ATL1: variants seen among roughly 807,000 people sequenced by gnomAD.
The protein encoded by ATL1 is atlastin-1.
Under a neutral mutation model 75.5 loss-of-function variants are expected in ATL1, and 31 were observed. The ratio of observed to expected loss-of-function variants is 0.41; its 90% confidence interval spans 0.31 to 0.55. ATL1 has a LOEUF of 0.55. Ranked by LOEUF, ATL1 falls within the 20% of genes least tolerant of loss-of-function variation. ATL1 has a pLI of 0.27. For missense variants in ATL1, 405 were observed against 662.6 expected (o/e 0.61, Z 4.27); for synonymous variants, 226 against 233.3 (o/e 0.97, Z 0.28).
chr14:50,568,252 C>T (rs950304351), intron 1 of ATL1, among the ~76,000 whole-genome samples: 1 of 151,988 alleles, frequency 6.6e-6, no homozygotes, highest in African/African-American at 2.4e-5. Context: ...ATGTCCTAGC[C>T]AGGTATGGTG....
At chr14:50,591,233 C>T (rs2039154985) in intron 3 of ATL1, among the ~76,000 whole-genome samples, 158 bp downstream of exon 3, 1 of 152,132 alleles carries the variant, frequency 6.6e-6, no homozygotes. Flanking sequence ...GTTTCCCTTT[C>T]TTGTGATCAG....
upstream of ATL1, among the ~76,000 whole-genome samples, chr14:50,556,006 G>T (rs2038760831): frequency 6.6e-6 from 1 of 152,150 alleles, no homozygotes; most frequent in Non-Finnish European, 1.5e-5. Context: ...AATAATTGAG[G>T]ATACAGGGGG....
At chr14:50,545,453 G>A (rs937003476) in intron 1 of ATL1, among the ~76,000 whole-genome samples, 25 of 152,180 alleles carry the variant, frequency 1.6e-4, no homozygotes, top group African/African-American at 6.0e-4. Flanking sequence ...GTGGTCGACG[G>A]CATCCATGTG....
chr14:50,620,251 T>G (rs1401744496), intron 8 of ATL1, among the ~76,000 whole-genome samples: 1 of 152,096 alleles, frequency 6.6e-6, no homozygotes. Flanking sequence ...GAGCAAGACT[T>G]CATTTCAAAA....
intron 9 of ATL1, among the ~76,000 whole-genome samples, chr14:50,621,632 T>C (rs1194052230): frequency 1.3e-5 from 2 of 152,094 alleles, no homozygotes; most frequent in East Asian, 3.9e-4. Context: ...AAGGGCCAGA[T>C]TGGCAGACAG....
At chr14:50,577,656 C>T (rs2039018239) in intron 1 of ATL1, among the ~76,000 whole-genome samples, 1 of 152,170 alleles carries the variant, frequency 6.6e-6, no homozygotes, top group Non-Finnish European at 1.5e-5. Flanking sequence ...AGCCATCACC[C>T]TCCATACCCT....
chr14:50,626,106 G>A (rs2039518320), intron 11 of ATL1, among the ~76,000 whole-genome samples: 1 of 152,154 alleles, frequency 6.6e-6, no homozygotes. Context: ...GAGCGCTGAT[G>A]GAGATGTATT....
chr14:50,588,254 A>G (rs1051629350), intron 2 of ATL1, among the ~76,000 whole-genome samples, 176 bp downstream of exon 2: 14 of 152,326 alleles, frequency 9.2e-5, no homozygotes, highest in Middle Eastern at 3.4e-3. Flanking sequence ...ACCAAACTAC[A>G]CAGACCAATT....
At chr14:50,580,358 T>C (rs1316052046) in intron 1 of ATL1, among the ~76,000 whole-genome samples, 1 of 152,198 alleles carries the variant, frequency 6.6e-6, no homozygotes, top group African/African-American at 2.4e-5. Flanking sequence ...TTTATTAGAT[T>C]AAGGAATTTT....
Position 50,609,891 on chromosome 14 carries a change from T to A in ATL1, c.631-3368T>A, listed in dbSNP as rs147090662. 1.4e-4 allele frequency among the ~76,000 whole-genome samples: 21 copies of A among 152,054 alleles called. No homozygotes were observed. In the East Asian group the frequency reaches 3.1e-3, roughly 22 times the overall value. ...AAGTTATGTTAGTTATTTTTCTGGA[T>A]TTTTTTTGTTCGTGATACTAGCCAG... On this transcript the variant is annotated intron_variant, in intron 6 of 13. Coordinates refer to ENST00000358385, the MANE Select transcript of ATL1 (RefSeq NM_015915.5).
chr14:50,566,899 C>T (rs1295753768), intron 1 of ATL1, among the ~76,000 whole-genome samples: 1 of 151,852 alleles, frequency 6.6e-6, no homozygotes, highest in African/African-American at 2.4e-5. Flanking sequence ...ATAAAATCGT[C>T]TTCTATATTA....
At chr14:50,629,216 A>T (rs918144837) in intron 12 of ATL1, among the ~76,000 whole-genome samples, 2 of 152,216 alleles carry the variant, frequency 1.3e-5, no homozygotes, top group African/African-American at 4.8e-5. Flanking sequence ...TTCCAAAAGC[A>T]GTATCAGATT....
intron 1 of ATL1, among the ~76,000 whole-genome samples, chr14:50,569,947 G>A (rs1414341317): frequency 1.3e-5 from 2 of 152,216 alleles, no homozygotes; most frequent in East Asian, 3.9e-4. Context: ...TATGTGATAT[G>A]TCACTTCTCT....
At chr14:50,560,337 G>A (rs1480226822) in intron 1 of ATL1, 38 bp downstream of exon 1, 1 of 1,609,990 alleles carries the variant, frequency 6.2e-7, no homozygotes, top group Non-Finnish European at 8.5e-7. Context: ...CCTGCACGGG[G>A]TCTTCTGGCC....
At chr14:50,596,300 G>A (rs1289673896) in intron 6 of ATL1, among the ~76,000 whole-genome samples, 1 of 151,384 alleles carries the variant, frequency 6.6e-6, no homozygotes, top group African/African-American at 2.4e-5. Flanking sequence ...GAGAGATGGT[G>A]TCTCTTAAAA....
intron 11 of ATL1, among the ~76,000 whole-genome samples, chr14:50,627,095 T>C (rs561966468): frequency 3.4e-4 from 52 of 152,366 alleles, no homozygotes; most frequent in African/African-American, 1.2e-3. Context: ...TTTACTGTTG[T>C]CATATTTTAA....
intron 1 of ATL1, among the ~76,000 whole-genome samples, chr14:50,544,950 A>G (rs929016108): frequency 2.0e-5 from 3 of 151,126 alleles, no homozygotes; most frequent in Non-Finnish European, 3.0e-5. Context: ...AAAAAAAAAA[A>G]AAAAAAAAAA....
intron 1 of ATL1, among the ~76,000 whole-genome samples, chr14:50,577,318 C>T (rs1449804422): frequency 6.6e-6 from 1 of 151,966 alleles, no homozygotes; most frequent in East Asian, 1.9e-4. Flanking sequence ...CCGCCTTGGC[C>T]TCCCAAAGTG....
intron 1 of ATL1, among the ~76,000 whole-genome samples, chr14:50,544,575 T>A (rs2038604284): frequency 6.6e-6 from 1 of 152,166 alleles, no homozygotes; most frequent in Non-Finnish European, 1.5e-5. Flanking sequence ...TAGGCATGGA[T>A]GTCTGCTTCT....
Sources: gnomAD v4.1 joint callset for allele counts (sites outside exome capture counted in the v4.1 genomes callset) on GRCh38, gnomAD v4.1.1 for gene constraint, MANE v1.5 for transcripts, NCBI Gene and HGNC (gene_info 2026-07-23, HGNC 2026-07-21) for gene names.